GATA4: variants seen among roughly 807,000 people sequenced by gnomAD.
GATA4 encodes the protein transcription factor GATA-4.
A neutral mutation model predicts 37.9 loss-of-function variants in GATA4; 7 were observed. That is an observed-to-expected ratio of 0.18 (90% CI 0.11 to 0.35). The LOEUF (loss-of-function observed/expected upper bound fraction) is 0.35. Among genes scored for constraint, GATA4 ranks in the 10% least tolerant of loss-of-function variants. The pLI is 1.00. For synonymous variants in GATA4, 372 were observed against 292.6 expected (o/e 1.27, Z -2.77); for missense variants, 647 against 653.0 (o/e 0.99, Z 0.10).
At position 11,709,068 on chromosome 8, in the gene GATA4, G is replaced by A; in HGVS notation, c.616+140G>A. ...TTCACTACCTCGAGTTTCTAGGGAA[G>A]GCAGAAGCCAGTGCGGGGCTGGCGA... On this transcript the variant is annotated intron_variant, in intron 2 of 6. Transcript: ENST00000532059. This position sits in a 1 kb window ranked among gnomAD's most constrained non-coding sequence, Gnocchi z 4.3. 2.2e-6 allele frequency: 2 copies of A among 921,864 alleles called. No homozygotes were observed. Among genetic ancestry groups the A allele is most frequent in the Non-Finnish European group, 3.0e-6 (2 of 662,644 alleles). 57.1% of individuals were successfully genotyped at this position (921,864 alleles called of 1,614,324 possible).
chr8:11,703,678 C>G (rs747882824), upstream of GATA4, among the ~76,000 whole-genome samples: 1 of 152,230 alleles, frequency 6.6e-6, no homozygotes, highest in African/African-American at 2.4e-5. Context: ...TCTCTACGCT[C>G]TGATTTTAGG....
At chr8:11,688,412 A>G (rs943177990), upstream of GATA4, among the ~76,000 whole-genome samples, 6 of 152,330 alleles carry the variant, frequency 3.9e-5, no homozygotes, top group South Asian at 1.2e-3. Flanking sequence ...CTCTGTGCAG[A>G]CCACTGTAGG....
intron 2 of GATA4, among the ~76,000 whole-genome samples, chr8:11,744,898 A>G (rs1274924042): frequency 6.6e-6 from 1 of 152,188 alleles, no homozygotes; most frequent in Non-Finnish European, 1.5e-5. Flanking sequence ...GTCTGCCATG[A>G]GTCCCCCACT....
At chr8:11,679,931 T>C (rs1798900422) in intron 1 of GATA4, among the ~76,000 whole-genome samples, 1 of 152,158 alleles carries the variant, frequency 6.6e-6, no homozygotes, top group African/African-American at 2.4e-5. Flanking sequence ...CGCCGAATAG[T>C]TTACAAACTC....
chr8:11,704,763 G>C (rs1799817606), intron 1 of GATA4, among the ~76,000 whole-genome samples: 1 of 152,234 alleles, frequency 6.6e-6, no homozygotes, highest in Non-Finnish European at 1.5e-5. Flanking sequence ...GGGTGGCAGT[G>C]CCAGGCAGCT....
chr8:11,692,543 T>C, upstream of GATA4: 1 of 985,496 alleles, frequency 1.0e-6, no homozygotes, highest in Non-Finnish European at 1.2e-6. Flanking sequence ...GGATCTAGAT[T>C]GAATCTGATC....
intron 1 of GATA4, among the ~76,000 whole-genome samples, chr8:11,687,412 A>T (rs552275272): frequency 3.3e-5 from 5 of 152,134 alleles, no homozygotes; most frequent in Non-Finnish European, 5.9e-5. Flanking sequence ...ATCAAAATAG[A>T]ATCCGGGAGG....
At chr8:11,742,735 C>A (rs1801811852) in intron 2 of GATA4, among the ~76,000 whole-genome samples, 1 of 152,276 alleles carries the variant, frequency 6.6e-6, no homozygotes, top group Non-Finnish European at 1.5e-5. Flanking sequence ...GGCTCAAGAG[C>A]TGCCAGGAAA....
intron 1 of GATA4, among the ~76,000 whole-genome samples, chr8:11,679,179 C>CG (rs965239800): frequency 2.0e-4 from 24 of 120,858 alleles, no homozygotes; most frequent in African/African-American, 6.4e-4. Flanking sequence ...CGAATAATTG[C>CG]GGGGGGGGGC....
At chr8:11,683,143 G>A in intron 1 of GATA4, 1 of 984,702 alleles carries the variant, frequency 1.0e-6, no homozygotes, top group Non-Finnish European at 1.2e-6. Context: ...GTTTGCTCCA[G>A]CAGAGATAAT....
upstream of GATA4, among the ~76,000 whole-genome samples, chr8:11,699,340 G>A (rs1397403544): frequency 2.0e-5 from 3 of 152,184 alleles, no homozygotes; most frequent in Admixed American, 6.5e-5. Flanking sequence ...TCTCTAACTG[G>A]GGAGTAGCAA....
At position 11,708,861 on chromosome 8, in the gene GATA4, C is replaced by T. The variant is rs2130071874; in HGVS notation, c.549C>T (p.Pro183=). ...WAAAAAASAG[P]FDSPVLHSLP... ...CAGCCGCCGCCGCCTCCGCCGGCCC[C>T]TTCGACAGCCCGGTCCTGCACAGCC... The change falls in exon 2 of 7, where the codon CCC becomes CCT. Residue 183 remains proline (P), a synonymous_variant. Transcript: ENST00000532059. This position sits in a 1 kb window ranked among gnomAD's most constrained non-coding sequence, Gnocchi z 6.7. 1.3e-6 allele frequency: 2 copies of T among 1,508,296 alleles called. No homozygotes were observed. Among genetic ancestry groups the T allele is most frequent in the Middle Eastern group, 2.3e-4 (1 of 4,330 alleles). 93.4% of individuals were successfully genotyped at this position (1,508,296 alleles called of 1,614,324 possible).
intron 1 of GATA4, chr8:11,706,126 C>G (rs764670796): frequency 6.6e-6 from 1 of 152,192 alleles, no homozygotes; most frequent in Non-Finnish European, 1.5e-5. Context: ...ACCAAACTTG[C>G]TGGAATGAAC....
upstream of GATA4, among the ~76,000 whole-genome samples, chr8:11,690,643 A>G (rs1425743134): frequency 6.6e-6 from 1 of 152,200 alleles, no homozygotes; most frequent in East Asian, 1.9e-4. Flanking sequence ...GAGGGCAGTG[A>G]GAGGGTCACT....
chr8:11,689,005 A>G (rs1442113134), upstream of GATA4, among the ~76,000 whole-genome samples: 1 of 152,126 alleles, frequency 6.6e-6, no homozygotes, highest in Non-Finnish European at 1.5e-5. Context: ...TATTTTTATC[A>G]CTCCCAGTCT....
rs375105469 is a variant in GATA4, at chr8:11,713,090, A to T, written c.616+4162A>T. ...ATGTAACTGCTGTAGTTTTAACAATATCTTGCCATAGTTCTTATGTTGGTT... is the reference window on the plus strand; with the variant it reads ...ATGTAACTGCTGTAGTTTTAACAATTTCTTGCCATAGTTCTTATGTTGGTT... On this transcript the variant is annotated intron_variant, in intron 2 of 6. Transcript: ENST00000532059. Among the ~76,000 whole-genome samples, 101 of 152,302 alleles carry T rather than the reference A, an allele frequency of 6.6e-4. 2 individuals carry two copies. The South Asian group carries it at 0.02, about 30-fold the overall frequency.
chr8:11,716,621 C>T (rs1173936367), intron 2 of GATA4, among the ~76,000 whole-genome samples: 2 of 152,128 alleles, frequency 1.3e-5, no homozygotes, highest in Non-Finnish European at 2.9e-5. Context: ...ACACCCCAGC[C>T]CCACACTACT....
rs369501098 is a variant in GATA4, at chr8:11,679,612, C to A, written c.-274+2549C>A. Among the ~76,000 whole-genome samples, 16 of 152,270 alleles carry A rather than the reference C, an allele frequency of 1.1e-4. 1 individual carries two copies. Among genetic ancestry groups the A allele is most frequent in the Admixed American group, 3.3e-4 (5 of 15,308 alleles). ...AGAGGAGCTGGGCGCGCGGCCTGGG[C>A]CCCCCACCTGCCCGACCCCAGGGCA... On this transcript the variant is annotated intron_variant, in intron 1 of 6. Transcript: ENST00000528712.
upstream of GATA4, chr8:11,692,594 C>T (rs1799350285): frequency 1.0e-6 from 1 of 985,176 alleles, no homozygotes; most frequent in Non-Finnish European, 1.2e-6. Context: ...GCGTGGCCCC[C>T]GCGCTGGGGC....
Sources: gnomAD v4.1 joint callset for allele counts (sites outside exome capture counted in the v4.1 genomes callset) on GRCh38, gnomAD v4.1.1 for gene constraint, Gnocchi (gnomAD v3.1) non-coding constraint, MANE v1.5 for transcripts, NCBI Gene and HGNC (gene_info 2026-07-23, HGNC 2026-07-21) for gene names.